The following SNTG1 variants were observed in gnomAD, a reference collection of about 807,000 sequenced individuals.
The protein encoded by SNTG1 is syntrophin gamma 1.
SNTG1 carries 39 observed loss-of-function variants against 74.7 expected under a neutral mutation model. The ratio of observed to expected loss-of-function variants is 0.52; its 90% CI spans 0.40 to 0.68. SNTG1 has a LOEUF of 0.68. Ranked by LOEUF, SNTG1 falls within the 30% of genes least tolerant of loss-of-function variation. SNTG1 has a pLI of 0.00. For synonymous variants in SNTG1, 254 were observed against 217.1 expected (o/e 1.17, Z -1.49); for missense variants, 685 against 609.5 (o/e 1.12, Z -1.30).
chr8:49,943,071 A>G (rs143761487), intron 1 of SNTG1, among the ~76,000 whole-genome samples: 230 of 152,288 alleles, frequency 1.5e-3, no homozygotes, highest in Middle Eastern at 0.01. Context: ...ATGGATGTTT[A>G]TTTTGTAATT....
intron 2 of SNTG1, among the ~76,000 whole-genome samples, chr8:50,204,892 C>T (rs763404461): frequency 4.9e-4 from 75 of 152,138 alleles, no homozygotes; most frequent in Non-Finnish European, 8.1e-4. Context: ...CTACAAAGGA[C>T]GTGAACTCAT....
intron 1 of SNTG1, among the ~76,000 whole-genome samples, chr8:49,924,358 T>C (rs368483134): frequency 2.6e-5 from 4 of 152,204 alleles, no homozygotes; most frequent in East Asian, 3.8e-4. Flanking sequence ...AATTTCAATG[T>C]CAGGTGGTCA....
intron 1 of SNTG1, among the ~76,000 whole-genome samples, chr8:49,949,221 A>G (rs989279715): frequency 1.3e-5 from 2 of 152,204 alleles, no homozygotes; most frequent in African/African-American, 4.8e-5. Context: ...ACAAATACTT[A>G]CCAATGAATC....
At chr8:50,335,962 GTGCCTTAAAACA>G (rs1227563222) in intron 2 of SNTG1, among the ~76,000 whole-genome samples, 2 of 151,842 alleles carry the variant, frequency 1.3e-5, no homozygotes, top group Non-Finnish European at 2.9e-5. Context: ...CAAAATTCCA[GTGCCTTAAAACA>G]CAAAGGTCTT....
At chr8:50,155,930 TC>T (rs1308333588) in intron 1 of SNTG1, among the ~76,000 whole-genome samples, 1 of 151,666 alleles carries the variant, frequency 6.6e-6, no homozygotes, top group East Asian at 1.9e-4. Context: ...TCACAATTTG[TC>T]AGAGCAACAC....
intron 15 of SNTG1, among the ~76,000 whole-genome samples, chr8:50,694,441 A>G (rs2095395867): frequency 6.6e-6 from 1 of 152,158 alleles, no homozygotes; most frequent in Non-Finnish European, 1.5e-5. Flanking sequence ...TGAATTAGTA[A>G]TAAGAAGTCT....
At chr8:50,337,705 C>T (rs1009019467) in intron 2 of SNTG1, among the ~76,000 whole-genome samples, 1 of 152,198 alleles carries the variant, frequency 6.6e-6, no homozygotes, top group African/African-American at 2.4e-5. Flanking sequence ...GGCACAGGTT[C>T]ACTGAAAGAC....
intron 5 of SNTG1, among the ~76,000 whole-genome samples, chr8:50,441,502 T>C (rs1010130934): frequency 1.3e-5 from 2 of 151,996 alleles, no homozygotes; most frequent in Admixed American, 1.3e-4. Flanking sequence ...TTGAGGAGGG[T>C]TCCTATGTCA....
intron 1 of SNTG1, among the ~76,000 whole-genome samples, chr8:50,137,267 C>T (rs2081504518): frequency 6.6e-6 from 1 of 152,146 alleles, no homozygotes; most frequent in Non-Finnish European, 1.5e-5. Context: ...TAAAAGGGTG[C>T]ATAACACAGA....
At chr8:50,552,406 C>G (rs546602985) in intron 11 of SNTG1, among the ~76,000 whole-genome samples, 1 of 152,282 alleles carries the variant, frequency 6.6e-6, no homozygotes, top group African/African-American at 2.4e-5. Context: ...AATGCTTAGA[C>G]TGATCATAGC....
chr8:50,245,580 G>T (rs1027262236), intron 2 of SNTG1, among the ~76,000 whole-genome samples: 3 of 152,132 alleles, frequency 2.0e-5, no homozygotes, highest in Admixed American at 2.0e-4. Flanking sequence ...CTACTTGGGA[G>T]GCTGAGGCAG....
In SNTG1 at chr8:50,340,909, A is replaced by G. The variant is rs565684715; in HGVS notation, c.-27-53303A>G. Among the ~76,000 whole-genome samples the G allele has an allele frequency of 5.3e-5, 8 of 152,086 alleles. No homozygotes were observed. The East Asian group carries it at 1.5e-3, about 29-fold the overall frequency. ...AAAATTGTTTAATGACAATTTGCAG[A>G]GTTCAAAGTAAAGCACAAATTGCTT... On this transcript the variant is annotated intron_variant, in intron 2 of 18. Coordinates refer to ENST00000642720, the MANE Select transcript of SNTG1 (RefSeq NM_018967.5).
chr8:50,433,330 T>C (rs763633220), intron 4 of SNTG1, among the ~76,000 whole-genome samples: 5 of 152,214 alleles, frequency 3.3e-5, no homozygotes, highest in Admixed American at 6.5e-5. Context: ...CATAAGCCTT[T>C]ATTTCATAGT....
intron 1 of SNTG1, among the ~76,000 whole-genome samples, chr8:49,989,383 T>C (rs1813469748): frequency 6.6e-6 from 1 of 151,898 alleles, no homozygotes; most frequent in Admixed American, 6.6e-5. Context: ...TGATATAAAC[T>C]ATAGAAATTG....
At chr8:50,000,381 A>T (rs1049451616) in intron 1 of SNTG1, among the ~76,000 whole-genome samples, 1 of 152,140 alleles carries the variant, frequency 6.6e-6, no homozygotes, top group African/African-American at 2.4e-5. Context: ...AGAATGCTAG[A>T]AGTGCCTGTG....
At position 50,737,755 on chromosome 8, in the gene SNTG1, G is replaced by A. The variant is rs144161537; in HGVS notation, c.1285-14246G>A. 9.5e-3 allele frequency among the ~76,000 whole-genome samples: 1,448 copies of A among 152,008 alleles called. 31 individuals are homozygous for A. The highest frequency in any genetic ancestry group is 0.032 in the African/African-American group (1,331 of 41,512). On this transcript the variant is annotated intron_variant, in intron 17 of 18. Coordinates refer to ENST00000642720, the MANE Select transcript of SNTG1 (RefSeq NM_018967.5). Reference sequence around the variant, plus strand: ...CCCTGGGACATAAGGCTGTTTCAACGTATGCAAATCAATAAACGTAATCCA... The same window carrying A: ...CCCTGGGACATAAGGCTGTTTCAACATATGCAAATCAATAAACGTAATCCA...
intron 17 of SNTG1, among the ~76,000 whole-genome samples, chr8:50,734,896 G>GACAT (rs1177527231): frequency 9.0e-6 from 1 of 111,546 alleles, no homozygotes; most frequent in African/African-American, 3.5e-5. Context: ...TATATATATG[G>GACAT]ACATATATAT....
At chr8:50,115,576 A>AAAAAAAAAAAAAAACAAAAAC (rs1482375164) in intron 1 of SNTG1, among the ~76,000 whole-genome samples, 3 of 82,800 alleles carry the variant, frequency 3.6e-5, no homozygotes, top group Admixed American at 1.8e-4. Context: ...TCAAAAAAAA[A>AAAAAAAAAAAAAAACAAAAAC]AAAAAAAAAA....
chr8:50,151,857 G>A (rs575919654), intron 1 of SNTG1, among the ~76,000 whole-genome samples: 8 of 152,268 alleles, frequency 5.3e-5, no homozygotes, highest in Middle Eastern at 3.4e-3. Flanking sequence ...GAATAAGTGC[G>A]ATGCAGTGCT....
Sources: gnomAD v4.1 joint callset for allele counts (sites outside exome capture counted in the v4.1 genomes callset) on GRCh38, gnomAD v4.1.1 for gene constraint, MANE v1.5 for transcripts, NCBI Gene and HGNC (gene_info 2026-07-23, HGNC 2026-07-21) for gene names.